The following ACBD5 variants were observed in gnomAD, a reference collection of about 807,000 sequenced individuals.
ACBD5 encodes acyl-CoA binding domain containing 5.
ACBD5 carries 40 observed loss-of-function variants against 71.8 expected under a neutral mutation model. The observed-to-expected ratio is 0.56, with a 90% CI of 0.43 to 0.72. The LOEUF (loss-of-function observed/expected upper bound fraction) is 0.72. ACBD5 is among the 30% of genes least tolerant of loss of function. ACBD5 has a pLI of 0.00. For missense variants in ACBD5, 559 were observed against 644.5 expected (o/e 0.87, Z 1.44); for synonymous variants, 229 against 218.6 (o/e 1.05, Z -0.42).
intron 8 of ACBD5, among the ~76,000 whole-genome samples, chr10:27,213,512 C>T (rs1284530476): frequency 6.6e-6 from 1 of 152,130 alleles, no homozygotes; most frequent in East Asian, 1.9e-4. Flanking sequence ...AATCCCAGCA[C>T]TTTGGGAGGC....
chr10:27,189,708 A>G (rs2058993109), intron 13 of ACBD5, among the ~76,000 whole-genome samples: 1 of 151,678 alleles, frequency 6.6e-6, no homozygotes, highest in Non-Finnish European at 1.5e-5. Context: ...TGGCACATGT[A>G]TACATATGTA....
chr10:27,225,641 T>C (rs1047679382), intron 4 of ACBD5, among the ~76,000 whole-genome samples: 9 of 152,226 alleles, frequency 5.9e-5, no homozygotes, highest in African/African-American at 2.2e-4. Flanking sequence ...TTATTATTTA[T>C]TATAAATATC....
At chr10:27,207,059 C>T (rs1206707678) in intron 10 of ACBD5, among the ~76,000 whole-genome samples, 3 of 151,358 alleles carry the variant, frequency 2.0e-5, no homozygotes, top group Non-Finnish European at 2.9e-5. Flanking sequence ...GGGTGGATCA[C>T]GAGGTCAGGA....
chr10:27,190,284 CA>C (rs1436510404), downstream of ACBD5, among the ~76,000 whole-genome samples: 3 of 150,542 alleles, frequency 2.0e-5, no homozygotes, highest in South Asian at 6.3e-4. Context: ...GACTCTGCCT[CA>C]AAAAAAATTA....
chr10:27,230,732 G>T (rs556237757), intron 4 of ACBD5, among the ~76,000 whole-genome samples: 8 of 140,196 alleles, frequency 5.7e-5, no homozygotes, highest in Admixed American at 5.3e-4. Context: ...AGGAGGTGAA[G>T]GTTACAGTCA....
rs1255580739 is a variant in ACBD5 at position 27,225,692 on chromosome 10, T to A, written c.376-2240A>T. Among the ~76,000 whole-genome samples, 6 of 152,216 alleles carry A rather than the reference T, an allele frequency of 3.9e-5. No homozygotes were observed. The East Asian group carries it at 9.6e-4, about 24-fold the overall frequency. On this transcript the variant is annotated intron_variant, in intron 4 of 12. Transcript: ENST00000396271. ...TTGAATTATAATAATAATTCTGAGA[T>A]AAATCAGATTCAAACCAAGAGAAAT...
chr10:27,202,450 G>C (rs2060021238), intron 12 of ACBD5, among the ~76,000 whole-genome samples: 1 of 152,208 alleles, frequency 6.6e-6, no homozygotes, highest in South Asian at 2.1e-4. Context: ...TCCATTCAGA[G>C]ACATCTGTGA....
chr10:27,192,495 T>C (rs1383458567), downstream of ACBD5, among the ~76,000 whole-genome samples: 1 of 151,996 alleles, frequency 6.6e-6, no homozygotes, highest in Non-Finnish European at 1.5e-5. Flanking sequence ...TGAGTCACGA[T>C]GGGGCAGCAA....
At position 27,240,773 on chromosome 10, in the gene ACBD5, C is replaced by T; in HGVS notation, c.-85G>A. ...TGGGGACCCTGGCGGAGCAGCCACA[C>T]CCCCCATTCCGCCGGAGTCCGTCTG... On this transcript the variant is annotated 5_prime_UTR_variant, in exon 1 of 13. In the 5' UTR this introduces an upstream ATG that the reference lacks. Transcript: ENST00000396271. This position sits in a 1 kb window ranked among gnomAD's most constrained non-coding sequence, Gnocchi z 4.1. 2 of 1,531,710 alleles carry T rather than the reference C, an allele frequency of 1.3e-6. No homozygotes were observed. Among genetic ancestry groups the T allele is most frequent in the Non-Finnish European group, 1.8e-6 (2 of 1,130,636 alleles). 94.9% of individuals were successfully genotyped at this position (1,531,710 alleles called of 1,614,324 possible).
At chr10:27,218,588 GTTT>G (rs11347518) in intron 6 of ACBD5, among the ~76,000 whole-genome samples, 1 of 142,934 alleles carries the variant, frequency 7.0e-6, no homozygotes, top group Non-Finnish European at 1.5e-5. Context: ...AAGTTACACA[GTTT>G]TTTTTTTTTT....
intron 13 of ACBD5, among the ~76,000 whole-genome samples, chr10:27,188,630 A>G (rs528511383): frequency 2.6e-5 from 4 of 152,338 alleles, no homozygotes; most frequent in African/African-American, 9.6e-5. Flanking sequence ...GTGGAAAGTT[A>G]CACTGTTTAC....
chr10:27,216,942 C>T (rs961076980), intron 7 of ACBD5, among the ~76,000 whole-genome samples: 1 of 151,434 alleles, frequency 6.6e-6, no homozygotes, highest in African/African-American at 2.4e-5. Context: ...GTCAGGAGAT[C>T]GAGACCATCC....
chr10:27,219,797 C>A lies in ACBD5; in HGVS notation c.551G>T (p.Ser184Ile). ...NAKTVNGKAESSDSGAESEEE... is the reference protein window; with the variant it reads ...NAKTVNGKAEISDSGAESEEE... ...CTCAGACTCGGCTCCACTGTCACTG[C>A]TTTCAGCTTTACCATTAACGGTTTT... Residue 184 changes from serine to isoleucine, a missense_variant, in exon 6 of 13, where the codon AGC becomes ATC. Coordinates refer to ENST00000396271, the MANE Select transcript of ACBD5 (RefSeq NM_145698.5). 6.2e-7 allele frequency: 1 copy of A among 1,614,108 alleles called. No homozygotes were observed. The highest frequency in any genetic ancestry group is 8.5e-7 in the Non-Finnish European group (1 of 1,180,010).
At chr10:27,239,067 C>G (rs1243873649) in intron 2 of ACBD5, among the ~76,000 whole-genome samples, 1 of 152,108 alleles carries the variant, frequency 6.6e-6, no homozygotes, top group Non-Finnish European at 1.5e-5. Context: ...CATGGTGACG[C>G]ACGGGTGTAA....
rs753508423 is a variant in ACBD5 at position 27,240,281 on chromosome 10, T to TGCAGAG, written c.181+37_181+38insCTCTGC. 5.0e-5 allele frequency: 81 copies of TGCAGAG among 1,613,986 alleles called. 2 individuals are homozygous for TGCAGAG. The South Asian group carries it at 8.9e-4, about 18-fold the overall frequency. Reference sequence around the variant, plus strand: ...AGTGAAAGGGGGCTTTGGGGCTCTCTGCAGGAGGCGTCTACAGCCGGGGCC... The same window carrying TGCAGAG: ...AGTGAAAGGGGGCTTTGGGGCTCTCTGCAGAGGCAGGAGGCGTCTACAGCCGGGGCC... On this transcript the variant is annotated intron_variant, in intron 2 of 12. Transcript: ENST00000396271. The surrounding 1 kb of genome is among the most constrained non-coding windows in gnomAD (Gnocchi z 4.1).
intron 13 of ACBD5, among the ~76,000 whole-genome samples, chr10:27,189,526 A>G (rs1423974651): frequency 6.6e-6 from 1 of 151,912 alleles, no homozygotes; most frequent in South Asian, 2.1e-4. Context: ...GCAAGGATAA[A>G]AAACCAAACA....
intron 13 of ACBD5, among the ~76,000 whole-genome samples, chr10:27,187,224 CAGG>C (rs2058820054): frequency 6.6e-6 from 1 of 152,242 alleles, no homozygotes; most frequent in African/African-American, 2.4e-5. Flanking sequence ...CGCTGGAACC[CAGG>C]AGGAGGAGGT....
In ACBD5 at chr10:27,197,143, C is replaced by A. The variant is rs2059445359; in HGVS notation, c.*287G>T. 1.9e-6 allele frequency: 1 copy of A among 525,278 alleles called. No homozygotes were observed. 32.5% of individuals were successfully genotyped at this position (525,278 alleles called of 1,614,324 possible). ...TCAGGTAAACATGTTACCAAATGAT[C>A]ATTAATAATTTAATGTCCTTCAAGT... On this transcript the variant is annotated 3_prime_UTR_variant, in exon 13 of 13. Transcript: ENST00000396271.
chr10:27,237,493 A>C (rs1417529395), intron 2 of ACBD5, among the ~76,000 whole-genome samples: 1 of 152,254 alleles, frequency 6.6e-6, no homozygotes, highest in African/African-American at 2.4e-5. Context: ...CAAATGGTTT[A>C]AAAGTAGTAT....
Sources: allele counts gnomAD v4.1 joint callset (sites outside exome capture counted in the v4.1 genomes callset), GRCh38; gene constraint gnomAD v4.1.1; non-coding constraint Gnocchi (gnomAD v3.1); transcripts MANE v1.5; gene names NCBI Gene and HGNC (gene_info 2026-07-23, HGNC 2026-07-21).